LHFPL3: variants seen among roughly 807,000 people sequenced by gnomAD.
The protein encoded by LHFPL3 is LHFPL tetraspan subfamily member 3.
Under a neutral mutation model 19.3 loss-of-function variants are expected in LHFPL3, and 5 were observed. That is an observed-to-expected ratio of 0.26 (90% CI 0.14 to 0.54). The LOEUF (loss-of-function observed/expected upper bound fraction) is 0.54, where lower values mean the gene tolerates loss of function less well. LHFPL3 is among the 20% of genes least tolerant of loss of function. The pLI is 0.94. For missense variants in LHFPL3, 249 were observed against 307.4 expected, an observed-to-expected ratio of 0.81 and a Z score of 1.42; for synonymous variants, 133 against 126.2, an observed-to-expected ratio of 1.05 and a Z score of -0.36.
chr7:104,629,557 C>T (rs759453200), intron 1 of LHFPL3, among the ~76,000 whole-genome samples: 1 of 152,162 alleles, frequency 6.6e-6, no homozygotes, highest in African/African-American at 2.4e-5. Flanking sequence ...GGTTAGCAGG[C>T]CTTCTGTTAT....
chr7:104,749,301 C>T (rs62484636), intron 2 of LHFPL3, among the ~76,000 whole-genome samples: 6,025 of 94,494 alleles, frequency 0.064, no homozygotes, highest in African/African-American at 0.14. Context: ...TCTCTCGTTT[C>T]TGTAGCACAT....
chr7:104,619,991 A>G lies in LHFPL3; in HGVS notation c.446-116684A>G, dbSNP rs117417893. Among the ~76,000 whole-genome samples, 1,204 of 152,328 alleles carry G rather than the reference A, an allele frequency of 7.9e-3. 7 individuals carry two copies. Among genetic ancestry groups the G allele is most frequent in the Non-Finnish European group, 0.012 (844 of 68,034 alleles). ...AGTTCACAATAGGGCTTGTGCTCCTATGAGAATCTAATACTGCCACTGATC... is the reference window on the plus strand; with the variant it reads ...AGTTCACAATAGGGCTTGTGCTCCTGTGAGAATCTAATACTGCCACTGATC... On this transcript the variant is annotated intron_variant, in intron 1 of 2. Transcript: ENST00000424859.
chr7:104,524,378 T>G (rs1794142643), intron 1 of LHFPL3, among the ~76,000 whole-genome samples: 1 of 152,164 alleles, frequency 6.6e-6, no homozygotes, highest in Non-Finnish European at 1.5e-5. Context: ...AGCTGAGGCT[T>G]AAAGCATGCA....
At chr7:104,348,869 T>C (rs1790123207) in intron 1 of LHFPL3, among the ~76,000 whole-genome samples, 1 of 152,214 alleles carries the variant, frequency 6.6e-6, no homozygotes, top group Admixed American at 6.5e-5. Context: ...CCATCCCTGC[T>C]CCATTTAGAC....
chr7:104,467,360 G>A (rs551886622), intron 1 of LHFPL3, among the ~76,000 whole-genome samples: 1 of 152,200 alleles, frequency 6.6e-6, no homozygotes, highest in South Asian at 2.1e-4. Context: ...TAATAACATG[G>A]GGTCTACTCG....
At chr7:104,332,579 T>C (rs1396860378) in intron 1 of LHFPL3, among the ~76,000 whole-genome samples, 2 of 152,186 alleles carry the variant, frequency 1.3e-5, no homozygotes, top group Non-Finnish European at 2.9e-5. Context: ...AGACTTCTTA[T>C]GATATTACAA....
rs377466936 is a variant in LHFPL3 at position 104,593,679 on chromosome 7, T to C, written c.446-142996T>C. Among the ~76,000 whole-genome samples, 6 of 152,324 alleles carry C rather than the reference T, an allele frequency of 3.9e-5. No homozygotes were observed. In the East Asian group the frequency reaches 1.2e-3, roughly 29 times the overall value. On this transcript the variant is annotated intron_variant, in intron 1 of 2. Transcript: ENST00000424859. Reference sequence around the variant, plus strand: ...TTATTATTGTTTGGGAGTCTAAGTCTCTTTGTAGGTCTCTAAGGACTTGCT... The same window carrying C: ...TTATTATTGTTTGGGAGTCTAAGTCCCTTTGTAGGTCTCTAAGGACTTGCT...
chr7:104,519,053 T>A (rs1449547124), intron 1 of LHFPL3, among the ~76,000 whole-genome samples: 1 of 152,082 alleles, frequency 6.6e-6, no homozygotes, highest in Non-Finnish European at 1.5e-5. Flanking sequence ...CCAGCAAAAC[T>A]CTCCATCTTC....
In LHFPL3 at chr7:104,907,567, C is replaced by T. The variant is rs1792644531; in HGVS notation, c.*1352C>T. Reference sequence around the variant, plus strand: ...ACAAATATTTAATATTGAAATAGCCCATTGCCTGAGAATGAACACAAGCTA... The same window carrying T: ...ACAAATATTTAATATTGAAATAGCCTATTGCCTGAGAATGAACACAAGCTA... On this transcript the variant is annotated 3_prime_UTR_variant, in exon 3 of 3. Transcript: ENST00000424859. 6.6e-6 allele frequency among the ~76,000 whole-genome samples: 1 copy of T among 152,176 alleles called. No individual in the cohort carries two copies. The highest frequency in any genetic ancestry group is 2.1e-4 in the South Asian group (1 of 4,832).
At chr7:104,446,336 G>A (rs138041739) in intron 1 of LHFPL3, among the ~76,000 whole-genome samples, 3 of 152,282 alleles carry the variant, frequency 2.0e-5, no homozygotes, top group African/African-American at 7.2e-5. Context: ...GCAGAGCTGT[G>A]TTGTTACAGA....
chr7:104,350,967 G>A (rs1441777144), intron 1 of LHFPL3, among the ~76,000 whole-genome samples: 2 of 151,816 alleles, frequency 1.3e-5, no homozygotes, highest in African/African-American at 4.8e-5. Context: ...TTGAACCTGG[G>A]AGGCGGAGGT....
intron 1 of LHFPL3, among the ~76,000 whole-genome samples, chr7:104,591,964 A>T (rs574975537): frequency 6.6e-6 from 1 of 152,176 alleles, no homozygotes; most frequent in African/African-American, 2.4e-5. Flanking sequence ...TTTCAGCTCC[A>T]TCAGGTCATT....
chr7:104,883,728 G>A (rs910107731), intron 2 of LHFPL3, among the ~76,000 whole-genome samples: 3 of 152,288 alleles, frequency 2.0e-5, no homozygotes, highest in East Asian at 1.9e-4. Context: ...AAGAGTTTGC[G>A]TGTCTGATCA....
At chr7:104,618,920 G>T (rs565231383) in intron 1 of LHFPL3, among the ~76,000 whole-genome samples, 2 of 152,320 alleles carry the variant, frequency 1.3e-5, no homozygotes, top group Admixed American at 1.3e-4. Context: ...TAATGGAATG[G>T]ATCCTGGAAT....
chr7:104,348,000 C>T (rs1790104244), intron 1 of LHFPL3, among the ~76,000 whole-genome samples: 1 of 152,174 alleles, frequency 6.6e-6, no homozygotes, highest in African/African-American at 2.4e-5. Flanking sequence ...TTTCTCAGCT[C>T]TTTATAGAGA....
intron 1 of LHFPL3, among the ~76,000 whole-genome samples, chr7:104,690,183 T>C (rs952226521): frequency 6.6e-6 from 1 of 152,266 alleles, no homozygotes; most frequent in African/African-American, 2.4e-5. Flanking sequence ...CAGTGGGTTA[T>C]TGTAAGCTTA....
chr7:104,401,155 T>C (rs564531126), intron 1 of LHFPL3, among the ~76,000 whole-genome samples: 1 of 152,316 alleles, frequency 6.6e-6, no homozygotes, highest in East Asian at 1.9e-4. Flanking sequence ...AGTAATCAGT[T>C]ATATGTGGAG....
chr7:104,687,743 G>A (rs1416436597), intron 1 of LHFPL3, among the ~76,000 whole-genome samples: 1 of 152,196 alleles, frequency 6.6e-6, no homozygotes, highest in Admixed American at 6.5e-5. Context: ...ATCTCAACAG[G>A]CACCAGTATT....
intron 1 of LHFPL3, among the ~76,000 whole-genome samples, chr7:104,593,036 C>A (rs1254178198): frequency 6.6e-6 from 1 of 152,130 alleles, no homozygotes; most frequent in East Asian, 1.9e-4. Flanking sequence ...GTCTCTATTT[C>A]CTTCAGTTCT....
Sources: gnomAD v4.1 joint callset for allele counts (sites outside exome capture counted in the v4.1 genomes callset) on GRCh38, gnomAD v4.1.1 for gene constraint, MANE v1.5 for transcripts, NCBI Gene and HGNC (gene_info 2026-07-23, HGNC 2026-07-21) for gene names.